Variants in PHACTR2 observed in about 807,000 individuals in gnomAD.
PHACTR2 encodes the protein chromosome 6 open reading frame 56.
Under a neutral mutation model 76.0 loss-of-function variants are expected in PHACTR2, and 30 were observed. The ratio of observed to expected loss-of-function variants is 0.39; its 90% CI spans 0.30 to 0.54. PHACTR2 has a LOEUF of 0.54. Ranked by LOEUF, PHACTR2 falls within the 20% of genes least tolerant of loss-of-function variation. PHACTR2 has a pLI of 0.61. For synonymous variants in PHACTR2, 292 were observed against 292.5 expected (o/e 1.00, Z 0.02); for missense variants, 696 against 781.1 (o/e 0.89, Z 1.30).
chr6:143,572,290 G>T (rs1775453956), intron 1 of PHACTR2, among the ~76,000 whole-genome samples: 1 of 152,078 alleles, frequency 6.6e-6, no homozygotes, highest in Admixed American at 6.6e-5. Context: ...TTTGATAACA[G>T]CATCTCTGTT....
chr6:143,823,195 T>C lies in PHACTR2; in HGVS notation c.1923-479T>C, dbSNP rs1039794577. Among the ~76,000 whole-genome samples the C allele has an allele frequency of 6.6e-6, 1 of 152,240 alleles. No homozygotes were observed. The highest frequency in any genetic ancestry group is 1.5e-5 in the Non-Finnish European group (1 of 68,046). Reference sequence around the variant, plus strand: ...ATCTGGGGGGAAGCGCCCTGTGGGCTTTTGGAAATTCAAGTGTAGAAAGTA... The same window carrying C: ...ATCTGGGGGGAAGCGCCCTGTGGGCCTTTGGAAATTCAAGTGTAGAAAGTA... On this transcript the variant is annotated intron_variant, in intron 12 of 12. Transcript: ENST00000440869. The surrounding 1 kb of genome is among the most constrained non-coding windows in gnomAD (Gnocchi z 5.7).
intron 1 of PHACTR2, among the ~76,000 whole-genome samples, chr6:143,640,993 G>C (rs1034623040): frequency 1.3e-5 from 2 of 152,200 alleles, no homozygotes; most frequent in Admixed American, 6.5e-5. Flanking sequence ...GAATATCTGA[G>C]ACAGGGTAAT....
Position 143,738,023 on chromosome 6 carries a change from A to G in PHACTR2, c.215-10962A>G, listed in dbSNP as rs1400616265. Among the ~76,000 whole-genome samples, 30 of 152,236 alleles carry G rather than the reference A, an allele frequency of 2.0e-4. No homozygotes were observed. The highest frequency in any genetic ancestry group is 2.0e-3 in the Admixed American group (30 of 15,288). On this transcript the variant is annotated intron_variant, in intron 2 of 12. Coordinates refer to ENST00000440869, the MANE Select transcript of PHACTR2 (RefSeq NM_001100164.2). The surrounding 1 kb of genome is among the most constrained non-coding windows in gnomAD (Gnocchi z 4.0). Reference sequence around the variant, plus strand: ...GGGAAATTCCTACTCAAATCTTCTTACAACTTAGACTGGTTATCCCCACCT... The same window carrying G: ...GGGAAATTCCTACTCAAATCTTCTTGCAACTTAGACTGGTTATCCCCACCT...
At chr6:143,677,137 C>T (rs115530904), upstream of PHACTR2, among the ~76,000 whole-genome samples, 773 of 152,150 alleles carry the variant, frequency 5.1e-3, 7 homozygotes, top group African/African-American at 0.018. Context: ...AATGAATTTT[C>T]ATAAAATGAA....
rs1775265713 is a variant in PHACTR2, at chr6:143,776,047, G to T, written c.1590-1281G>T. Among the ~76,000 whole-genome samples, 1 of 152,106 alleles carries T rather than the reference G, an allele frequency of 6.6e-6. No homozygotes were observed. The highest frequency in any genetic ancestry group is 1.5e-5 in the Non-Finnish European group (1 of 68,024). ...TCAGGAGGCTGAGGCAGTAATTTTG[G>T]AGGCAGAGGTTGCAGTGAGCCGAGA... On this transcript the variant is annotated intron_variant, in intron 8 of 12. Transcript: ENST00000440869. The surrounding 1 kb of genome is among the most constrained non-coding windows in gnomAD (Gnocchi z 5.3).
At chr6:143,796,519 A>G (rs1285792987) in intron 11 of PHACTR2, among the ~76,000 whole-genome samples, 2 of 152,002 alleles carry the variant, frequency 1.3e-5, no homozygotes, top group African/African-American at 4.8e-5. Flanking sequence ...CCATCAACCC[A>G]TCACCTACAT....
intron 1 of PHACTR2, among the ~76,000 whole-genome samples, chr6:143,573,558 A>G (rs1160674515): frequency 3.5e-5 from 5 of 141,808 alleles, no homozygotes; most frequent in African/African-American, 5.3e-5. Flanking sequence ...TTGTGAACCC[A>G]TGAATTTTCT....
rs574612569 is a variant in PHACTR2 at position 143,672,226 on chromosome 6, A to G, written c.14-39790A>G. Among the ~76,000 whole-genome samples the G allele has an allele frequency of 6.6e-6, 1 of 152,194 alleles. No individual in the cohort carries two copies. The highest frequency in any genetic ancestry group is 2.4e-5 in the African/African-American group (1 of 41,522). ...TTTAAATGGGTACATTTTAGGGTCC[A>G]TAACTTATTCTTCAAAAAGCTGCAA... On this transcript the variant is annotated intron_variant, in intron 1 of 11. Coordinates refer to the PHACTR2 transcript ENST00000305766. This position sits in a 1 kb window ranked among gnomAD's most constrained non-coding sequence, Gnocchi z 5.8.
At chr6:143,574,838 C>T (rs1775486985) in intron 1 of PHACTR2, among the ~76,000 whole-genome samples, 1 of 152,010 alleles carries the variant, frequency 6.6e-6, no homozygotes, top group Admixed American at 6.6e-5. Context: ...CTCCTCTCCC[C>T]CAATTTTTTA....
At position 143,570,648 on chromosome 6, in the gene PHACTR2, G is replaced by A. The variant is rs988891898; in HGVS notation, c.217+33441G>A. On this transcript the variant is annotated intron_variant, in intron 1 of 11. Coordinates refer to the PHACTR2 transcript ENST00000367584. The surrounding 1 kb of genome is among the most constrained non-coding windows in gnomAD (Gnocchi z 4.6). ...CTCTCCTGGGGCTCTCCCTCTCCCC[G>A]CTTGCTCTCCTTCCCTAATCCCCAC... Among the ~76,000 whole-genome samples the A allele has an allele frequency of 5.3e-5, 8 of 152,020 alleles. No individual in the cohort carries two copies. Among genetic ancestry groups the A allele is most frequent in the Non-Finnish European group, 1.0e-4 (7 of 68,004 alleles).
intron 2 of PHACTR2, among the ~76,000 whole-genome samples, chr6:143,741,282 C>A (rs1026147735): frequency 2.4e-5 from 1 of 40,972 alleles, no homozygotes; most frequent in African/African-American, 8.3e-5. Context: ...AAGGCTGAGG[C>A]AGGAGTTCAA....
rs533904747 is a variant in PHACTR2, at chr6:143,809,449, G to A, written c.1922+2316G>A. Reference sequence around the variant, plus strand: ...TGGTCTTGAAGTCCTGAGCTCAAGCGATCCTCCCAGCTCAGTCTACCAAAG... The same window carrying A: ...TGGTCTTGAAGTCCTGAGCTCAAGCAATCCTCCCAGCTCAGTCTACCAAAG... On this transcript the variant is annotated intron_variant, in intron 12 of 12. Transcript: ENST00000440869. This position sits in a 1 kb window ranked among gnomAD's most constrained non-coding sequence, Gnocchi z 4.2. Among the ~76,000 whole-genome samples, 5 of 152,068 alleles carry A rather than the reference G, an allele frequency of 3.3e-5. No homozygotes were observed. The highest frequency in any genetic ancestry group is 1.9e-4 in the East Asian group (1 of 5,184).
At chr6:143,768,177 A>G (rs1231481357) in intron 6 of PHACTR2, among the ~76,000 whole-genome samples, 1 of 152,202 alleles carries the variant, frequency 6.6e-6, no homozygotes, top group African/African-American at 2.4e-5. Flanking sequence ...GACACATTCA[A>G]ACCCTAGGAG....
intron 1 of PHACTR2, among the ~76,000 whole-genome samples, chr6:143,552,474 G>C (rs1185046459): frequency 6.6e-6 from 1 of 152,168 alleles, no homozygotes; most frequent in Non-Finnish European, 1.5e-5. Context: ...CAACCAACAA[G>C]AAAAGTTCCT....
At position 143,753,701 on chromosome 6, in the gene PHACTR2, G is replaced by C; in HGVS notation, c.296-53G>C. On this transcript the variant is annotated intron_variant, in intron 3 of 12. Transcript: ENST00000440869. The surrounding 1 kb of genome is among the most constrained non-coding windows in gnomAD (Gnocchi z 4.6). Reference sequence around the variant, plus strand: ...TACAATCCTAGTAACTGGAAAACTTGTTTTTAAGAAAGCCAGCAAGTTAGA... The same window carrying C: ...TACAATCCTAGTAACTGGAAAACTTCTTTTTAAGAAAGCCAGCAAGTTAGA... 7.2e-7 allele frequency: 1 copy of C among 1,387,194 alleles called. No individual in the cohort carries two copies. The highest frequency in any genetic ancestry group is 9.8e-7 in the Non-Finnish European group (1 of 1,015,730). 85.9% of individuals were successfully genotyped at this position (1,387,194 alleles called of 1,614,324 possible).
chr6:143,773,609 A>C (rs1278154807), intron 7 of PHACTR2, among the ~76,000 whole-genome samples: 2 of 152,136 alleles, frequency 1.3e-5, no homozygotes, highest in Non-Finnish European at 2.9e-5. Context: ...GGGGTAATTA[A>C]GGGTTAAACA....
At chr6:143,766,957 A>G (rs780080240) in intron 6 of PHACTR2, among the ~76,000 whole-genome samples, 5 of 152,214 alleles carry the variant, frequency 3.3e-5, no homozygotes, top group Non-Finnish European at 5.9e-5. Flanking sequence ...CAAAACCTGT[A>G]TTCATTGTTC....
intron 1 of PHACTR2, among the ~76,000 whole-genome samples, chr6:143,665,585 C>T (rs1040286505): frequency 6.6e-6 from 1 of 152,128 alleles, no homozygotes; most frequent in African/African-American, 2.4e-5. Context: ...TCTCCCACAC[C>T]CCACATTCAA....
In PHACTR2 at chr6:143,761,880, G is replaced by A. The variant is rs115979580; in HGVS notation, c.694+1240G>A. Among the ~76,000 whole-genome samples, 1,789 of 152,236 alleles carry A rather than the reference G, an allele frequency of 0.012. 20 individuals are homozygous for A. The highest frequency in any genetic ancestry group is 0.048 in the Middle Eastern group (14 of 294). ...ACCATAATGCTCAAATTCAGAGAGC[G>A]GTTTAGTTGACAGTATAACAGATCT... On this transcript the variant is annotated intron_variant, in intron 5 of 12. Coordinates refer to ENST00000440869, the MANE Select transcript of PHACTR2 (RefSeq NM_001100164.2). The surrounding 1 kb of genome is among the most constrained non-coding windows in gnomAD (Gnocchi z 5.2).
Sources: allele counts gnomAD v4.1 joint callset (sites outside exome capture counted in the v4.1 genomes callset), GRCh38; gene constraint gnomAD v4.1.1; non-coding constraint Gnocchi (gnomAD v3.1); transcripts MANE v1.5; gene names NCBI Gene and HGNC (gene_info 2026-07-23, HGNC 2026-07-21).